Variants in ASB13 observed in about 807,000 individuals in gnomAD.
ASB13 encodes ankyrin repeat and SOCS box protein 13.
ASB13 carries 33 observed loss-of-function variants against 28.8 expected under a neutral mutation model. That is an observed-to-expected ratio of 1.15 (90% CI 0.87 to 1.53). ASB13 has a LOEUF of 1.53. ASB13 is among the 40% of genes most tolerant of loss of function. The probability of loss-of-function intolerance (pLI) is 0.00; values close to 1 mark genes in which losing one functional copy is unlikely to be tolerated. For synonymous variants in ASB13, 182 were observed against 172.9 expected (o/e 1.05, Z -0.41); for missense variants, 414 against 390.1 (o/e 1.06, Z -0.52).
At chr10:5,653,858 T>G (rs1835029830) in intron 1 of ASB13, among the ~76,000 whole-genome samples, 1 of 152,042 alleles carries the variant, frequency 6.6e-6, no homozygotes, top group Admixed American at 6.6e-5. Flanking sequence ...ATTTTTCTAT[T>G]TTCAGTAGAG....
At chr10:5,657,918 C>A (rs761849909) in intron 1 of ASB13, among the ~76,000 whole-genome samples, 2 of 151,904 alleles carry the variant, frequency 1.3e-5, no homozygotes, top group Non-Finnish European at 2.9e-5. Flanking sequence ...GAGGCCGAGG[C>A]GGGCAGATCA....
In ASB13 at chr10:5,661,955, C is replaced by A. The variant is rs549712851; in HGVS notation, c.43+4554G>T. On this transcript the variant is annotated intron_variant, in intron 1 of 5. Coordinates refer to ENST00000357700, the MANE Select transcript of ASB13 (RefSeq NM_024701.4). The surrounding 1 kb of genome is among the most constrained non-coding windows in gnomAD (Gnocchi z 4.9). ...TCCCTGCAAAACCCCAGTAAGCATTCTTGAAATGGTGAGGGTGGGCCCTCC... is the reference window on the plus strand; with the variant it reads ...TCCCTGCAAAACCCCAGTAAGCATTATTGAAATGGTGAGGGTGGGCCCTCC... Among the ~76,000 whole-genome samples the A allele has an allele frequency of 7.2e-4, 109 of 152,258 alleles. 2 individuals are homozygous for A. In the Middle Eastern group the frequency reaches 0.027, roughly 38 times the overall value.
chr10:5,645,714 G>A lies in ASB13; in HGVS notation c.517+3256C>T, dbSNP rs1170979455. Among the ~76,000 whole-genome samples the A allele has an allele frequency of 2.0e-5, 3 of 152,100 alleles. No homozygotes were observed. The highest frequency in any genetic ancestry group is 4.4e-5 in the Non-Finnish European group (3 of 68,024). On this transcript the variant is annotated intron_variant, in intron 4 of 5. Coordinates refer to ENST00000357700, the MANE Select transcript of ASB13 (RefSeq NM_024701.4). This position sits in a 1 kb window ranked among gnomAD's most constrained non-coding sequence, Gnocchi z 5.4. ...AGCCGATCAGAATTTGGCAAAGTTT[G>A]GGCAAAGGGACTGGGGAGGGGTGCA...
Position 5,641,787 on chromosome 10 carries a change from C to A in ASB13, c.692G>T (p.Cys231Phe). 1 of 1,600,126 alleles carries A rather than the reference C, an allele frequency of 6.2e-7. No individual in the cohort carries two copies. The highest frequency in any genetic ancestry group is 8.5e-7 in the Non-Finnish European group (1 of 1,172,714). The part of the protein sequence containing the change: ...YTWSSSAPAK[C>F]FEYYEKTPLT... ...TGTCTCACTTTCGTAGTACTCGAAG[C>A]ACTTGGCGGGAGCGCTGCTGCTCCA... is the stretch of plus-strand genomic sequence containing the variant. The change falls in exon 5 of 6, where the codon TGC (cysteine) becomes TTC (phenylalanine). Residue 231 changes from cysteine to phenylalanine, a missense_variant. Cys to Phe is a radical substitution (Grantham distance 205). Transcript: ENST00000357700. The surrounding 1 kb of genome is among the most constrained non-coding windows in gnomAD (Gnocchi z 8.4).
rs1358835421 is a variant in ASB13 at position 5,650,483 on chromosome 10, C to G, written c.382+730G>C. 6.6e-6 allele frequency among the ~76,000 whole-genome samples: 1 copy of G among 152,250 alleles called. No individual in the cohort carries two copies. Among genetic ancestry groups the G allele is most frequent in the Non-Finnish European group, 1.5e-5 (1 of 68,048 alleles). ...CAGCACCGTGGAAGGGCACATACCC[C>G]ATACCCTGCACCCCAGATGTGCATC... On this transcript the variant is annotated intron_variant, in intron 3 of 5. Coordinates refer to ENST00000357700, the MANE Select transcript of ASB13 (RefSeq NM_024701.4). The surrounding 1 kb of genome is among the most constrained non-coding windows in gnomAD (Gnocchi z 6.0).
rs1034720848 is a variant in ASB13, at chr10:5,642,994, C to T, written c.518-1033G>A. On this transcript the variant is annotated intron_variant, in intron 4 of 5. Transcript: ENST00000357700. This position sits in a 1 kb window ranked among gnomAD's most constrained non-coding sequence, Gnocchi z 4.1. ...TCTTAGGGCACAGCCATCACTGATC[C>T]GATACAATGGAATCCCCCAGGGCTT... Among the ~76,000 whole-genome samples the T allele has an allele frequency of 7.9e-4, 120 of 152,162 alleles. No individual in the cohort carries two copies. The highest frequency in any genetic ancestry group is 2.6e-3 in the African/African-American group (108 of 41,514).
In ASB13 at chr10:5,658,445, A is replaced by G. The variant is rs1360938419; in HGVS notation, c.44-5395T>C. Among the ~76,000 whole-genome samples the G allele has an allele frequency of 1.3e-5, 2 of 152,060 alleles. No homozygotes were observed. Among genetic ancestry groups the G allele is most frequent in the Admixed American group, 1.3e-4 (2 of 15,266 alleles). On this transcript the variant is annotated intron_variant, in intron 1 of 5. Coordinates refer to ENST00000357700, the MANE Select transcript of ASB13 (RefSeq NM_024701.4). The surrounding 1 kb of genome is among the most constrained non-coding windows in gnomAD (Gnocchi z 4.2). The stretch of plus-strand genomic sequence containing the variant: ...GAAAAAAAAAAAAAAAACAAAACCA[A>G]ATAAGCCATTTCTGAAAAGCCAAAT...
intron 4 of ASB13, among the ~76,000 whole-genome samples, chr10:5,648,092 C>A (rs61832712): frequency 7.0e-6 from 1 of 142,420 alleles, no homozygotes; most frequent in African/African-American, 2.6e-5. Flanking sequence ...CCCACGCAGG[C>A]AAACACCCAC....
rs1392780620 is a variant in ASB13, at chr10:5,652,881, C to T, written c.213G>A (p.Leu71=). 1.9e-6 allele frequency: 3 copies of T among 1,558,032 alleles called. No homozygotes were observed. Among genetic ancestry groups the T allele is most frequent in the South Asian group, 2.4e-5 (2 of 84,774 alleles). Residue 71 remains leucine, a synonymous_variant, in exon 2 of 6, where the codon CTG becomes CTA. Transcript: ENST00000357700. The surrounding 1 kb of genome is among the most constrained non-coding windows in gnomAD (Gnocchi z 5.0). The stretch of plus-strand genomic sequence containing the variant: ...CACTCACCTGGGCCCCAGCCGCCAG[C>T]AGCAGCTGCACACACCGCGCCTGGC... ...LQGQARCVQL[L]LAAGAQVDAR...
intron 1 of ASB13, among the ~76,000 whole-genome samples, chr10:5,666,281 C>G (rs1045639627): frequency 3.3e-5 from 5 of 152,184 alleles, no homozygotes; most frequent in Non-Finnish European, 2.9e-5. Context: ...GGACTGCAAC[C>G]CCGCAGTGCG....
In ASB13 at chr10:5,651,371, G is replaced by A. The variant is rs761230873; in HGVS notation, c.232-8C>T. On this transcript the variant is annotated splice_polypyrimidine_tract_variant and splice_region_variant and intron_variant, in intron 2 of 5. Coordinates refer to ENST00000357700, the MANE Select transcript of ASB13 (RefSeq NM_024701.4). The surrounding 1 kb of genome is among the most constrained non-coding windows in gnomAD (Gnocchi z 5.1). Reference sequence around the variant, plus strand: ...GATGTTGCGAGCATCCACCTCACGGGAGGAAGAAACAAGTGTCAAAGGGCA... The same window carrying A: ...GATGTTGCGAGCATCCACCTCACGGAAGGAAGAAACAAGTGTCAAAGGGCA... The A allele has an allele frequency of 1.8e-5, 28 of 1,590,944 alleles. No homozygotes were observed. The South Asian group carries it at 2.9e-4, about 17-fold the overall frequency.
intron 1 of ASB13, among the ~76,000 whole-genome samples, chr10:5,654,867 C>T (rs554016625): frequency 2.0e-4 from 31 of 152,216 alleles, no homozygotes; most frequent in African/African-American, 7.2e-4. Context: ...GAGGCTGAGG[C>T]GGGCGGATCA....
In ASB13 at chr10:5,645,898, C is replaced by T. The variant is rs1834878823; in HGVS notation, c.517+3072G>A. On this transcript the variant is annotated intron_variant, in intron 4 of 5. Transcript: ENST00000357700. The surrounding 1 kb of genome is among the most constrained non-coding windows in gnomAD (Gnocchi z 5.4). ...TAGGGGATGCTGTTGTTTCTCTCTC[C>T]TCTGTATGTTTGAAATTTTCCGCAA... Among the ~76,000 whole-genome samples the T allele has an allele frequency of 1.3e-5, 2 of 152,140 alleles. No homozygotes were observed. The highest frequency in any genetic ancestry group is 2.9e-5 in the Non-Finnish European group (2 of 68,026).
chr10:5,641,667 G>T lies in ASB13; in HGVS notation c.709+103C>A. The T allele has an allele frequency of 7.9e-7, 1 of 1,268,580 alleles. No homozygotes were observed. Among genetic ancestry groups the T allele is most frequent in the Non-Finnish European group, 1.1e-6 (1 of 923,912 alleles). 78.6% of individuals were successfully genotyped at this position (1,268,580 alleles called of 1,614,324 possible). The stretch of plus-strand genomic sequence containing the variant: ...TCCTAGCGCAGAGGACAGGAGCCAG[G>T]ACTAACAGCCCAGCTCTCCGCGGAA... On this transcript the variant is annotated intron_variant, in intron 5 of 5. Coordinates refer to ENST00000357700, the MANE Select transcript of ASB13 (RefSeq NM_024701.4). The surrounding 1 kb of genome is among the most constrained non-coding windows in gnomAD (Gnocchi z 8.4).
Position 5,660,799 on chromosome 10 carries a change from G to A in ASB13, c.43+5710C>T, listed in dbSNP as rs1177026834. 6.6e-6 allele frequency among the ~76,000 whole-genome samples: 1 copy of A among 152,034 alleles called. No homozygotes were observed. The highest frequency in any genetic ancestry group is 2.4e-5 in the African/African-American group (1 of 41,392). On this transcript the variant is annotated intron_variant, in intron 1 of 5. Transcript: ENST00000357700. The surrounding 1 kb of genome is among the most constrained non-coding windows in gnomAD (Gnocchi z 6.1). ...CAGTAACTCAATCCTTACCTAAGTC[G>A]GGTGACTGATTGAGTCTCTGCCCAA... is the stretch of plus-strand genomic sequence containing the variant.
At chr10:5,647,219 A>G (rs1195436101) in intron 4 of ASB13, among the ~76,000 whole-genome samples, 1 of 152,204 alleles carries the variant, frequency 6.6e-6, no homozygotes, top group African/African-American at 2.4e-5. Flanking sequence ...TCAGCCTCCC[A>G]AAGTGCTGAG....
rs1327431071 is a variant in ASB13 at position 5,648,959 on chromosome 10, C to A, written c.517+11G>T. The A allele has an allele frequency of 3.1e-6, 5 of 1,613,110 alleles. No homozygotes were observed. In the Admixed American group the frequency reaches 6.7e-5, roughly 22 times the overall value. On this transcript the variant is annotated intron_variant, in intron 4 of 5. Transcript: ENST00000357700. ...TCAGGTAAACACCCGCTCGGGCAAA[C>A]ACCCACTCACCTGCATTGAGCAGCA...
chr10:5,666,395 C>T lies in ASB13; in HGVS notation c.43+114G>A, dbSNP rs536817155. The T allele has an allele frequency of 3.4e-4, 324 of 960,668 alleles. 1 individual carries two copies. The South Asian group carries it at 0.012, about 34-fold the overall frequency. 59.5% of individuals were successfully genotyped at this position (960,668 alleles called of 1,614,324 possible). On this transcript the variant is annotated intron_variant, in intron 1 of 5. Coordinates refer to ENST00000357700, the MANE Select transcript of ASB13 (RefSeq NM_024701.4). ...CCACCCCGCCAAACGCCCCCGCCCACGGAGCCAGCGCGGGGCGCGCCACCA... is the reference window on the plus strand; with the variant it reads ...CCACCCCGCCAAACGCCCCCGCCCATGGAGCCAGCGCGGGGCGCGCCACCA...
chr10:5,643,069 A>C (rs964049868), intron 4 of ASB13, among the ~76,000 whole-genome samples: 2 of 152,362 alleles, frequency 1.3e-5, no homozygotes. Flanking sequence ...CTGTTCCTCA[A>C]GTAACAAAGG....
Sources: allele counts gnomAD v4.1 joint callset (sites outside exome capture counted in the v4.1 genomes callset), GRCh38; gene constraint gnomAD v4.1.1; non-coding constraint Gnocchi (gnomAD v3.1); transcripts MANE v1.5; gene names NCBI Gene and HGNC (gene_info 2026-07-23, HGNC 2026-07-21).